The following TMEM268 variants were observed in gnomAD, a reference collection of about 807,000 sequenced individuals.
The protein encoded by TMEM268 is transmembrane protein 268.
A neutral mutation model predicts 39.1 loss-of-function variants in TMEM268; 24 were observed. The observed-to-expected ratio is 0.61, with a 90% CI of 0.44 to 0.86. The LOEUF is 0.86. Ranked by LOEUF, TMEM268 falls within the 40% of genes least tolerant of loss-of-function variation. The pLI, the probability that TMEM268 is intolerant of heterozygous loss-of-function variation, is 0.00. For synonymous variants in TMEM268, 176 were observed against 173.5 expected (o/e 1.01, Z -0.12); for missense variants, 409 against 428.6 (o/e 0.95, Z 0.40).
chr9:114,624,291 A>T, intron 2 of TMEM268, 59 bp from the exon 3 acceptor site: 1 of 1,548,672 alleles, frequency 6.5e-7, no homozygotes, highest in Non-Finnish European at 8.7e-7. Flanking sequence ...CTTCGGGCTC[A>T]CCCCACGAGC....
intron 5 of TMEM268, among the ~76,000 whole-genome samples, chr9:114,632,861 G>A (rs1846459605): frequency 6.6e-6 from 1 of 152,190 alleles, no homozygotes; most frequent in Non-Finnish European, 1.5e-5. Flanking sequence ...TACAACTGAA[G>A]AAAATAAGGT....
intron 3 of TMEM268, among the ~76,000 whole-genome samples, chr9:114,625,803 T>A (rs967832727): frequency 2.0e-5 from 3 of 151,266 alleles, no homozygotes; most frequent in Admixed American, 2.0e-4. Context: ...CTAAATATAA[T>A]TTTTTTCAAT....
At chr9:114,617,879 A>AT (rs201422664) in intron 2 of TMEM268, among the ~76,000 whole-genome samples, 10 of 148,810 alleles carry the variant, frequency 6.7e-5, no homozygotes, top group Admixed American at 3.3e-4. Context: ...TTAATTTTTT[A>AT]TTTTTTTTAT....
chr9:114,637,350 T>C (rs975426882), intron 7 of TMEM268, among the ~76,000 whole-genome samples: 1 of 149,594 alleles, frequency 6.7e-6, no homozygotes, highest in African/African-American at 2.5e-5. Flanking sequence ...TGGAGTGCAG[T>C]AGAGTGATCT....
intron 1 of TMEM268, among the ~76,000 whole-genome samples, chr9:114,612,008 C>T (rs969847831): frequency 6.6e-6 from 1 of 152,240 alleles, no homozygotes; most frequent in African/African-American, 2.4e-5. Context: ...GGATGGTACA[C>T]TTTCTTTTCT....
Position 114,643,422 on chromosome 9 carries a change from G to C in TMEM268, c.*109G>C. The C allele has an allele frequency of 1.0e-6, 1 of 971,790 alleles. No homozygotes were observed. Among genetic ancestry groups the C allele is most frequent in the Non-Finnish European group, 1.6e-6 (1 of 644,928 alleles). 60.2% of individuals were successfully genotyped at this position (971,790 alleles called of 1,614,324 possible). On this transcript the variant is annotated 3_prime_UTR_variant, in exon 9 of 9. Transcript: ENST00000288502. The stretch of plus-strand genomic sequence containing the variant: ...CAGGTGAGGAGAGAAGCATCTGGGG[G>C]CACTCCAAAAGGGGCCTGTGATGTC...
In TMEM268 at chr9:114,624,373, A is replaced by G; in HGVS notation, c.130A>G (p.Thr44Ala). ...AGAGCTCCACAATGGCCAGGTCCTC[A>G]CTGTTCTCCGGATTGACAATACCTG... ...GQELHNGQVL[T>A]VLRIDNTCAP... The change falls in exon 3 of 9, where the codon ACT (threonine) becomes GCT (alanine). Residue 44 changes from threonine (T) to alanine (A), a missense_variant. Transcript: ENST00000288502. 1 of 1,603,410 alleles carries G rather than the reference A, an allele frequency of 6.2e-7. No individual in the cohort carries two copies. The highest frequency in any genetic ancestry group is 8.5e-7 in the Non-Finnish European group (1 of 1,174,398).
At position 114,643,481 on chromosome 9, in the gene TMEM268, A is replaced by G. The variant is rs770531857; in HGVS notation, c.*168A>G. The G allele has an allele frequency of 4.9e-6, 3 of 614,720 alleles. No homozygotes were observed. In the East Asian group the frequency reaches 8.3e-5, roughly 17 times the overall value. The allele number at this position is 614,720 out of a possible 1,614,324, so 38.1% of individuals were successfully genotyped here. A position where few individuals can be genotyped will look rare whatever the true frequency, so the allele number is the denominator to read the frequency against. On this transcript the variant is annotated 3_prime_UTR_variant, in exon 9 of 9. Transcript: ENST00000288502. Reference sequence around the variant, plus strand: ...GGGTGTTGTGCTCACTTCAGGGCCCAGCACAAAAATCCTTGTTTGACATCT... The same window carrying G: ...GGGTGTTGTGCTCACTTCAGGGCCCGGCACAAAAATCCTTGTTTGACATCT...
intron 8 of TMEM268, among the ~76,000 whole-genome samples, chr9:114,639,688 G>T (rs948254155): frequency 4.0e-5 from 6 of 151,670 alleles, no homozygotes; most frequent in African/African-American, 1.5e-4. Context: ...CTTTTGTGCT[G>T]GTGGGCAGTA....
intron 3 of TMEM268, 81 bp downstream of exon 3, chr9:114,624,540 A>G: frequency 1.3e-6 from 2 of 1,516,708 alleles, no homozygotes; most frequent in Non-Finnish European, 8.9e-7. Context: ...GTTTTTCACA[A>G]AATCTTTATG....
At chr9:114,620,762 A>C (rs1190858122) in intron 2 of TMEM268, among the ~76,000 whole-genome samples, 4 of 152,172 alleles carry the variant, frequency 2.6e-5, no homozygotes, top group Non-Finnish European at 5.9e-5. Flanking sequence ...AGTCCTTTGC[A>C]GTGGATGTGT....
chr9:114,634,464 T>C (rs1461230689), intron 6 of TMEM268, among the ~76,000 whole-genome samples: 1 of 152,124 alleles, frequency 6.6e-6, no homozygotes, highest in Non-Finnish European at 1.5e-5. Context: ...TCATTCTCTT[T>C]GCCCCGAAGG....
intron 2 of TMEM268, 74 bp downstream of exon 2, chr9:114,617,375 C>T: frequency 1.7e-6 from 2 of 1,185,370 alleles, no homozygotes; most frequent in South Asian, 2.6e-5. Flanking sequence ...CACAGAAGTT[C>T]CTTTAGATAA....
chr9:114,606,519 C>T (rs935402478), upstream of TMEM268, among the ~76,000 whole-genome samples: 5 of 152,194 alleles, frequency 3.3e-5, no homozygotes, highest in East Asian at 1.9e-4. Context: ...GACACACTTT[C>T]GGAAATAATT....
chr9:114,631,648 G>C (rs1205688249), intron 5 of TMEM268, among the ~76,000 whole-genome samples: 1 of 152,154 alleles, frequency 6.6e-6, no homozygotes, highest in Non-Finnish European at 1.5e-5. Context: ...TGAACTATTG[G>C]TGATACAGAT....
chr9:114,625,740 G>A (rs1846133613), intron 3 of TMEM268, among the ~76,000 whole-genome samples: 1 of 151,952 alleles, frequency 6.6e-6, no homozygotes, highest in African/African-American at 2.4e-5. Context: ...ACCACGCCTG[G>A]CAGATTGGGT....
intron 2 of TMEM268, among the ~76,000 whole-genome samples, chr9:114,620,378 G>A (rs1845900981): frequency 6.6e-6 from 1 of 151,966 alleles, no homozygotes; most frequent in Non-Finnish European, 1.5e-5. Flanking sequence ...CCGAGTAGCT[G>A]GGACGACAGG....
At chr9:114,622,579 C>G in intron 2 of TMEM268, 1 of 894,790 alleles carries the variant, frequency 1.1e-6, no homozygotes, top group Non-Finnish European at 1.3e-6. Context: ...TCCAGCTGGT[C>G]TCATGGTCTG....
At chr9:114,638,160 G>A (rs549656937) in intron 7 of TMEM268, among the ~76,000 whole-genome samples, 1 of 152,228 alleles carries the variant, frequency 6.6e-6, no homozygotes, top group African/African-American at 2.4e-5. Flanking sequence ...TCATGCCTCA[G>A]CCTCCTGAGT....
Sources: gnomAD v4.1 joint callset for allele counts (sites outside exome capture counted in the v4.1 genomes callset) on GRCh38, gnomAD v4.1.1 for gene constraint, MANE v1.5 for transcripts, NCBI Gene and HGNC (gene_info 2026-07-23, HGNC 2026-07-21) for gene names.